The following BMP2 variants were observed in gnomAD, a reference collection of about 807,000 sequenced individuals.
The protein encoded by BMP2 is bone morphogenetic protein 2.
Under a neutral mutation model 28.8 loss-of-function variants are expected in BMP2, and 2 were observed. That is an observed-to-expected ratio of 0.07 (90% CI 0.03 to 0.22). The LOEUF is 0.22. BMP2 is among the 10% of genes least tolerant of loss of function. The pLI is 1.00. For synonymous variants in BMP2, 218 were observed against 204.3 expected (o/e 1.07, Z -0.57); for missense variants, 437 against 517.7 (o/e 0.84, Z 1.51).
rs1262187742 is a variant in BMP2, at chr20:6,768,846, G to C, written c.-37G>C. 1 of 398,450 alleles carries C rather than the reference G, an allele frequency of 2.5e-6. No homozygotes were observed. The highest frequency in any genetic ancestry group is 2.1e-5 in the African/African-American group (1 of 48,634). The allele number at this position is 398,450 out of a possible 1,614,324, so 24.7% of individuals were successfully genotyped here. A position where few individuals can be genotyped will look rare whatever the true frequency, so the allele number is the denominator to read the frequency against. On this transcript the variant is annotated 5_prime_UTR_variant, in exon 1 of 3. Transcript: ENST00000378827. ...TCTTTCAATGGACGTGTCCCCGCGT[G>C]CTTCTTAGACGGACTGCGGTCTCCT...
intron 2 of BMP2, among the ~76,000 whole-genome samples, chr20:6,773,063 A>C (rs998557155): frequency 1.3e-5 from 2 of 152,200 alleles, no homozygotes; most frequent in African/African-American, 2.4e-5. Flanking sequence ...GTCAGATGGG[A>C]GAGAGAAAGA....
In BMP2 at chr20:6,768,396, G is replaced by A. The variant is rs899572269; in HGVS notation, c.-487G>A. The A allele has an allele frequency of 2.5e-6, 1 of 395,128 alleles. No individual in the cohort carries two copies. Among genetic ancestry groups the A allele is most frequent in the Non-Finnish European group, 4.5e-6 (1 of 224,204 alleles). 24.5% of individuals were successfully genotyped at this position (395,128 alleles called of 1,614,324 possible). ...GCGGCGGAGCTAGCGCGGAGCGCCC[G>A]ACCCTCGACCCCCGAGTCCCGGAGC... is the stretch of plus-strand genomic sequence containing the variant. On this transcript the variant is annotated 5_prime_UTR_variant, in exon 1 of 3. Coordinates refer to ENST00000378827, the MANE Select transcript of BMP2 (RefSeq NM_001200.4).
rs1177600200 is a variant in BMP2 at position 6,778,996 on chromosome 20, C to T, written c.1098C>T (p.Leu366=). ...AGGCATGCTGTGTCCCGACAGAACT[C>T]AGTGCTATCTCGATGCTGTACCTTG... ...IPKACCVPTE[L]SAISMLYLDE... Residue 366 remains leucine, a synonymous_variant, in exon 3 of 3, where the codon CTC becomes CTT. Coordinates refer to ENST00000378827, the MANE Select transcript of BMP2 (RefSeq NM_001200.4). This position sits in a 1 kb window ranked among gnomAD's most constrained non-coding sequence, Gnocchi z 5.0. 2 of 1,613,730 alleles carry T rather than the reference C, an allele frequency of 1.2e-6. No individual in the cohort carries two copies. The highest frequency in any genetic ancestry group is 4.5e-5 in the East Asian group (2 of 44,880).
Position 6,768,614 on chromosome 20 carries a change from T to C in BMP2, c.-269T>C, listed in dbSNP as rs1447107063. The stretch of plus-strand genomic sequence containing the variant: ...ACTTGCGCACCCCACTTTGCGCCGG[T>C]GCCTTTGCCCCAGCGGAGCCTGCTT... On this transcript the variant is annotated 5_prime_UTR_variant, in exon 1 of 3. Coordinates refer to ENST00000378827, the MANE Select transcript of BMP2 (RefSeq NM_001200.4). 3 of 395,284 alleles carry C rather than the reference T, an allele frequency of 7.6e-6. No homozygotes were observed. Among genetic ancestry groups the C allele is most frequent in the Non-Finnish European group, 1.3e-5 (3 of 224,380 alleles). The allele number at this position is 395,284 out of a possible 1,614,324, so 24.5% of individuals were successfully genotyped here.
chr20:6,777,543 G>A (rs1386702548), intron 2 of BMP2, among the ~76,000 whole-genome samples: 1 of 152,110 alleles, frequency 6.6e-6, no homozygotes, highest in African/African-American at 2.4e-5. Context: ...GACAACAGTT[G>A]GGAAAGCTAT....
In BMP2 at chr20:6,778,739, A is replaced by G; in HGVS notation, c.841A>G (p.Lys281Glu). 2 of 1,614,220 alleles carry G rather than the reference A, an allele frequency of 1.2e-6. No homozygotes were observed. The highest frequency in any genetic ancestry group is 1.7e-6 in the Non-Finnish European group (2 of 1,180,034). Residue 281 changes from lysine to glutamate, a missense_variant, in exon 3 of 3, where the codon AAA becomes GAA. Coordinates refer to ENST00000378827, the MANE Select transcript of BMP2 (RefSeq NM_001200.4). This position sits in a 1 kb window ranked among gnomAD's most constrained non-coding sequence, Gnocchi z 5.0. ...GKGHPLHKRE[K>E]RQAKHKQRKR... ...AGGGCATCCTCTCCACAAAAGAGAA[A>G]AACGTCAAGCCAAACACAAACAGCG...
At position 6,768,483 on chromosome 20, in the gene BMP2, G is replaced by A. The variant is rs962635669; in HGVS notation, c.-400G>A. On this transcript the variant is annotated 5_prime_UTR_variant, in exon 1 of 3. Transcript: ENST00000378827. ...GTTCCTAAGGAGGACGACAGCACCA[G>A]CTTCTCCTTTCTCCCTTCCCTTCCC... 2.3e-5 allele frequency: 9 copies of A among 393,102 alleles called. No homozygotes were observed. The highest frequency in any genetic ancestry group is 8.9e-5 in the Admixed American group (2 of 22,502). 24.4% of individuals were successfully genotyped at this position (393,102 alleles called of 1,614,324 possible).
At chr20:6,776,576 C>T (rs1033662882) in intron 2 of BMP2, among the ~76,000 whole-genome samples, 6 of 152,232 alleles carry the variant, frequency 3.9e-5, no homozygotes, top group Non-Finnish European at 7.3e-5. Context: ...CCAGAATCCC[C>T]TCCTTGAGGA....
At chr20:6,771,116 G>C (rs1010564148) in intron 2 of BMP2, among the ~76,000 whole-genome samples, 7 of 152,136 alleles carry the variant, frequency 4.6e-5, no homozygotes, top group Non-Finnish European at 8.8e-5. Context: ...GCTCTGAGTA[G>C]AGACAAGGCA....
Position 6,770,400 on chromosome 20 carries a change from T to A in BMP2, c.274T>A (p.Ser92Thr). The change falls in exon 2 of 3, where the codon TCA (serine) becomes ACA (threonine). Residue 92 changes from serine (S) to threonine (T), a missense_variant. Around this residue, in one of 2 missense-constraint regions of BMP2, gnomAD observed 363 missense variants for 392.8 expected, o/e 0.92. Coordinates refer to ENST00000378827, the MANE Select transcript of BMP2 (RefSeq NM_001200.4). ...LYRRHSGQPGSPAPDHRLERA... is the reference protein window; with the variant it reads ...LYRRHSGQPGTPAPDHRLERA... ...TCGCAGGCACTCAGGTCAGCCGGGC[T>A]CACCCGCCCCAGACCACCGGTTGGA... The A allele has an allele frequency of 3.7e-6, 6 of 1,612,434 alleles. No individual in the cohort carries two copies. The highest frequency in any genetic ancestry group is 5.1e-6 in the Non-Finnish European group (6 of 1,179,532).
At chr20:6,769,611 G>GA (rs1986343095) in intron 1 of BMP2, among the ~76,000 whole-genome samples, 1 of 111,126 alleles carries the variant, frequency 9.0e-6, no homozygotes, top group Non-Finnish European at 1.8e-5. Context: ...GAAGCTATAA[G>GA]GGTGTGTGTG....
chr20:6,771,358 C>A (rs1986394725), intron 2 of BMP2, among the ~76,000 whole-genome samples: 1 of 152,284 alleles, frequency 6.6e-6, no homozygotes, highest in East Asian at 1.9e-4. Flanking sequence ...CACTTCAATT[C>A]TTTTTCTACA....
rs1986588734 is a variant in BMP2 at position 6,779,817 on chromosome 20, A to G, written c.*728A>G. ...CCTTAATTTACAGAAAGAATAAAGC[A>G]GGATCCATAGAAATAATTAGGAAAA... is the stretch of plus-strand genomic sequence containing the variant. On this transcript the variant is annotated 3_prime_UTR_variant, in exon 3 of 3. Coordinates refer to ENST00000378827, the MANE Select transcript of BMP2 (RefSeq NM_001200.4). 6.6e-6 allele frequency: 1 copy of G among 152,426 alleles called. No homozygotes were observed. The highest frequency in any genetic ancestry group is 1.5e-5 in the Non-Finnish European group (1 of 68,038). The allele number at this position is 152,426 out of a possible 1,614,324, so 9.4% of individuals were successfully genotyped here. A position where few individuals can be genotyped will look rare whatever the true frequency, so the allele number is the denominator to read the frequency against.
intron 1 of BMP2, 22 bp from the exon 2 acceptor site, chr20:6,770,098 C>T (rs758803405): frequency 6.6e-7 from 1 of 1,509,344 alleles, no homozygotes; most frequent in Non-Finnish European, 8.9e-7. Flanking sequence ...ACTCGGGTGA[C>T]TCACGTCGGT....
At chr20:6,773,553 C>G (rs1408566385) in intron 2 of BMP2, among the ~76,000 whole-genome samples, 2 of 152,142 alleles carry the variant, frequency 1.3e-5, no homozygotes, top group Non-Finnish European at 2.9e-5. Flanking sequence ...TAGACTTGCT[C>G]TTTGTGTATT....
In BMP2 at chr20:6,778,217, T is replaced by G. The variant is rs1325475426; in HGVS notation, c.347-28T>G. 2 of 1,546,882 alleles carry G rather than the reference T, an allele frequency of 1.3e-6. No homozygotes were observed. The highest frequency in any genetic ancestry group is 1.7e-6 in the Non-Finnish European group (2 of 1,153,420). ...TACTGAAATTCAGACTTTTCTTTTT[T>G]CTTCCCTGTTTTTCTCTATCAAATT... On this transcript the variant is annotated intron_variant, in intron 2 of 2. Transcript: ENST00000378827. The surrounding 1 kb of genome is among the most constrained non-coding windows in gnomAD (Gnocchi z 5.0).
chr20:6,779,920 C>T lies in BMP2; in HGVS notation c.*831C>T, dbSNP rs905298781. On this transcript the variant is annotated 3_prime_UTR_variant, in exon 3 of 3. Transcript: ENST00000378827. ...TAGTGATCCCTTCAAAGGGGCTGAT[C>T]TGGCCAAAGTATTCAATAAAACGTA... is the stretch of plus-strand genomic sequence containing the variant. The T allele has an allele frequency of 6.6e-6, 1 of 152,384 alleles. No individual in the cohort carries two copies. Among genetic ancestry groups the T allele is most frequent in the Non-Finnish European group, 1.5e-5 (1 of 68,040 alleles). The allele number at this position is 152,384 out of a possible 1,614,324, so 9.4% of individuals were successfully genotyped here.
chr20:6,777,467 A>AT (rs1309298558), intron 2 of BMP2, among the ~76,000 whole-genome samples: 1 of 152,054 alleles, frequency 6.6e-6, no homozygotes, highest in East Asian at 1.9e-4. Flanking sequence ...CAGGTCATTT[A>AT]TTTTTCTTCC....
At chr20:6,776,184 A>G (rs760864654) in intron 2 of BMP2, among the ~76,000 whole-genome samples, 1 of 152,198 alleles carries the variant, frequency 6.6e-6, no homozygotes, top group African/African-American at 2.4e-5. Flanking sequence ...TCAAATGGTC[A>G]GAAGGTTATT....
Sources: allele counts gnomAD v4.1 joint callset (sites outside exome capture counted in the v4.1 genomes callset), GRCh38; gene constraint gnomAD v4.1.1; regional missense constraint gnomAD v4.1.1; non-coding constraint Gnocchi (gnomAD v3.1); transcripts MANE v1.5; gene names NCBI Gene and HGNC (gene_info 2026-07-23, HGNC 2026-07-21).